EFCAB13: variants seen among roughly 807,000 people sequenced by gnomAD.
EFCAB13 encodes EF-hand calcium-binding domain-containing protein 13.
In EFCAB13, 91 loss-of-function variants were observed where a neutral mutation model predicts 110.2. The ratio of observed to expected loss-of-function variants is 0.83; its 90% confidence interval spans 0.70 to 0.98. The LOEUF is 0.98. EFCAB13 is among the 50% of genes least tolerant of loss of function. The pLI is 0.00. For synonymous variants in EFCAB13, 323 were observed against 369.9 expected (o/e 0.87, Z 1.45); for missense variants, 968 against 1,119.4 (o/e 0.86, Z 1.93).
intron 8 of EFCAB13, 134 bp downstream of exon 8, chr17:47,345,232 A>G (rs1431472158): frequency 1.7e-6 from 1 of 586,512 alleles, no homozygotes; most frequent in East Asian, 3.1e-5. Flanking sequence ...GGTATGGCAA[A>G]TGCTGCGGGC....
At chr17:47,426,720 T>A (rs1042914028) in intron 23 of EFCAB13, among the ~76,000 whole-genome samples, 1 of 152,282 alleles carries the variant, frequency 6.6e-6, no homozygotes, top group East Asian at 1.9e-4. Context: ...AGAATTTTTT[T>A]AAAAGGGTTG....
At chr17:47,369,925 G>A (rs988445563) in intron 10 of EFCAB13, 1 of 156,154 alleles carries the variant, frequency 6.4e-6, no homozygotes, top group Non-Finnish European at 1.4e-5. Flanking sequence ...CACAGAGAAG[G>A]TACAAAGTAA....
chr17:47,412,563 A>T (rs1313539021), intron 21 of EFCAB13, among the ~76,000 whole-genome samples: 1 of 152,234 alleles, frequency 6.6e-6, no homozygotes, highest in Non-Finnish European at 1.5e-5. Context: ...ATAGCCCATC[A>T]TATTATTCTC....
intron 11 of EFCAB13, among the ~76,000 whole-genome samples, chr17:47,374,203 A>G (rs1446495989): frequency 2.0e-5 from 3 of 152,186 alleles, no homozygotes; most frequent in Admixed American, 1.3e-4. Flanking sequence ...TGAGAACCAT[A>G]TACTTCATTA....
intron 23 of EFCAB13, among the ~76,000 whole-genome samples, chr17:47,425,393 T>C (rs1057429599): frequency 1.3e-5 from 2 of 152,198 alleles, no homozygotes; most frequent in Non-Finnish European, 2.9e-5. Flanking sequence ...CTAATTCCTC[T>C]CACTCTGTGT....
At chr17:47,439,671 TATGTGTCTACTGTCATACTAA>T (rs1163362623) in intron 24 of EFCAB13, among the ~76,000 whole-genome samples, 1 of 152,136 alleles carries the variant, frequency 6.6e-6, no homozygotes, top group Non-Finnish European at 1.5e-5. Context: ...AGATTAAATT[TATGTGTCTACTGTCATACTAA>T]AGCAGTGTTT....
chr17:47,360,303 T>G (rs1400404564), intron 9 of EFCAB13, among the ~76,000 whole-genome samples: 2 of 152,174 alleles, frequency 1.3e-5, no homozygotes, highest in Non-Finnish European at 2.9e-5. Context: ...TCCTGACTTT[T>G]TAATGATCGC....
intron 14 of EFCAB13, among the ~76,000 whole-genome samples, chr17:47,379,841 C>T (rs566484258): frequency 4.6e-5 from 7 of 152,088 alleles, no homozygotes; most frequent in East Asian, 1.9e-4. Context: ...TCTGTTTATA[C>T]ATATGCTAAA....
intron 14 of EFCAB13, among the ~76,000 whole-genome samples, chr17:47,382,434 CG>C (rs1426291515): frequency 2.0e-5 from 3 of 152,136 alleles, no homozygotes; most frequent in Admixed American, 6.5e-5. Context: ...TGTCTTGTGC[CG>C]GTTGTCAAAA....
chr17:47,396,103 A>G, intron 17 of EFCAB13, 126 bp downstream of exon 17: 1 of 677,696 alleles, frequency 1.5e-6, no homozygotes, highest in Non-Finnish European at 2.3e-6. Context: ...ATGCCAACAT[A>G]TGCATTTAGG....
At chr17:47,393,461 A>T (rs1036177038) in intron 15 of EFCAB13, among the ~76,000 whole-genome samples, 1 of 152,196 alleles carries the variant, frequency 6.6e-6, no homozygotes, top group Non-Finnish European at 1.5e-5. Context: ...GCAAAAAAGG[A>T]GAAAGAAAGC....
At position 47,409,681 on chromosome 17, in the gene EFCAB13, A is replaced by T; in HGVS notation, c.2268A>T (p.Pro756=). ...FRKEASNLKL[P]KVNEIKEAAN... ...AAGAGGCTTCAAATCTAAAATTACC[A>T]AAGGTAAACGGTGAGTAAGAACTTT... Residue 756 remains proline, a synonymous_variant, in exon 21 of 25, where the codon CCA becomes CCT. Coordinates refer to ENST00000331493, the MANE Select transcript of EFCAB13 (RefSeq NM_152347.5). 6.2e-7 allele frequency: 1 copy of T among 1,610,596 alleles called. No individual in the cohort carries two copies. The highest frequency in any genetic ancestry group is 8.5e-7 in the Non-Finnish European group (1 of 1,176,972).
chr17:47,348,201 A>C (rs1393302137), intron 9 of EFCAB13, among the ~76,000 whole-genome samples: 1 of 151,400 alleles, frequency 6.6e-6, no homozygotes, highest in Non-Finnish European at 1.5e-5. Context: ...GCATATTCTC[A>C]TTATTGTTCC....
At chr17:47,408,431 A>AC (rs1440595670) in intron 20 of EFCAB13, among the ~76,000 whole-genome samples, 2 of 152,112 alleles carry the variant, frequency 1.3e-5, no homozygotes, top group Non-Finnish European at 2.9e-5. Flanking sequence ...CGGGCAGATC[A>AC]CCTGAGGTCA....
intron 23 of EFCAB13, among the ~76,000 whole-genome samples, chr17:47,420,739 C>T (rs1904649862): frequency 1.3e-5 from 2 of 149,388 alleles, no homozygotes; most frequent in South Asian, 2.1e-4. Flanking sequence ...AGTGAGGAGC[C>T]CCTCCGCCCG....
At chr17:47,358,602 CTGT>C in intron 9 of EFCAB13, among the ~76,000 whole-genome samples, 1 of 152,168 alleles carries the variant, frequency 6.6e-6, no homozygotes, top group South Asian at 2.1e-4. Context: ...TTCTTCTAGT[CTGT>C]TGTTTCTCTT....
Position 47,440,921 on chromosome 17 carries a change from A to G in EFCAB13, c.*207A>G, listed in dbSNP as rs1905309846. The G allele has an allele frequency of 5.1e-6, 2 of 392,088 alleles. No individual in the cohort carries two copies. Among genetic ancestry groups the G allele is most frequent in the East Asian group, 4.4e-5 (1 of 22,542 alleles). 24.3% of individuals were successfully genotyped at this position (392,088 alleles called of 1,614,324 possible). On this transcript the variant is annotated 3_prime_UTR_variant, in exon 25 of 25. Coordinates refer to ENST00000331493, the MANE Select transcript of EFCAB13 (RefSeq NM_152347.5). ...ATTCATGCTTTTTGAGGTATAATGT[A>G]CATATGGCAAAATTCACTCTTTTTA...
intron 10 of EFCAB13, among the ~76,000 whole-genome samples, chr17:47,370,161 A>G (rs1001391453): frequency 3.3e-5 from 5 of 152,360 alleles, no homozygotes; most frequent in Non-Finnish European, 7.3e-5. Context: ...AACATGTAAA[A>G]TGAAAAAATA....
chr17:47,397,299 C>T (rs2065745699), intron 17 of EFCAB13, among the ~76,000 whole-genome samples: 1 of 152,220 alleles, frequency 6.6e-6, no homozygotes, highest in Non-Finnish European at 1.5e-5. Flanking sequence ...CAGACGGAGT[C>T]TGGTTCACTC....
Sources: allele counts gnomAD v4.1 joint callset (sites outside exome capture counted in the v4.1 genomes callset), GRCh38; gene constraint gnomAD v4.1.1; transcripts MANE v1.5; gene names NCBI Gene and HGNC (gene_info 2026-07-23, HGNC 2026-07-21).